The following SMPD3 variants were observed in gnomAD, a reference collection of about 807,000 sequenced individuals.
The protein encoded by SMPD3 is nSMase-2.
In SMPD3, 21 loss-of-function variants were observed where a neutral mutation model predicts 55.7. The observed-to-expected ratio is 0.38, with a 90% CI of 0.27 to 0.54. The LOEUF (loss-of-function observed/expected upper bound fraction) is 0.54, where lower values mean the gene tolerates loss of function less well. SMPD3 is among the 20% of genes least tolerant of loss of function. The probability of loss-of-function intolerance (pLI) is 0.80; values close to 1 mark genes in which losing one functional copy is unlikely to be tolerated. For synonymous variants in SMPD3, 457 were observed against 404.3 expected (o/e 1.13, Z -1.56); for missense variants, 842 against 899.6 (o/e 0.94, Z 0.82).
At chr16:68,383,992 C>G (rs1368574152) in intron 2 of SMPD3, among the ~76,000 whole-genome samples, 1 of 152,204 alleles carries the variant, frequency 6.6e-6, no homozygotes, top group Non-Finnish European at 1.5e-5. Flanking sequence ...CTCTGGCCCA[C>G]CTGGCAGCTG....
intron 1 of SMPD3, among the ~76,000 whole-genome samples, chr16:68,420,037 G>A (rs2090377826): frequency 6.7e-6 from 1 of 148,748 alleles, no homozygotes; most frequent in South Asian, 2.1e-4. Flanking sequence ...GGCCTGGAGT[G>A]CAGTGGTGTG....
intron 5 of SMPD3, 59 bp from the exon 6 acceptor site, chr16:68,363,925 T>C: frequency 1.4e-6 from 2 of 1,442,042 alleles, no homozygotes; most frequent in Admixed American, 2.0e-5. Flanking sequence ...CCACACGGCC[T>C]GTGCCCCTGC....
chr16:68,435,240 G>C (rs2090513322), intron 1 of SMPD3, among the ~76,000 whole-genome samples: 1 of 152,182 alleles, frequency 6.6e-6, no homozygotes. Context: ...GACCTGAGCT[G>C]GCCTTTGCCT....
At chr16:68,395,144 A>T (rs9940558) in intron 1 of SMPD3, among the ~76,000 whole-genome samples, 64,183 of 151,830 alleles carry the variant, frequency 0.42, 14,754 homozygotes, top group East Asian at 0.79. Flanking sequence ...CTGGGGGCAC[A>T]TAAACAGTGT....
chr16:68,426,745 A>G (rs1355217649), intron 1 of SMPD3, among the ~76,000 whole-genome samples: 1 of 152,200 alleles, frequency 6.6e-6, no homozygotes, highest in Non-Finnish European at 1.5e-5. Flanking sequence ...GTGTGTACAC[A>G]TGTAAATATT....
intron 2 of SMPD3, among the ~76,000 whole-genome samples, chr16:68,380,958 A>G (rs1455599937): frequency 3.9e-5 from 6 of 152,256 alleles, no homozygotes; most frequent in Non-Finnish European, 5.9e-5. Context: ...AACCTTCCTA[A>G]AACAGAACAG....
intron 1 of SMPD3, among the ~76,000 whole-genome samples, chr16:68,421,788 C>G (rs994276204): frequency 1.3e-5 from 2 of 152,164 alleles, no homozygotes; most frequent in Non-Finnish European, 1.5e-5. Flanking sequence ...TTGATGAAAC[C>G]AAGGCTTAGG....
chr16:68,394,644 T>C (rs1466426722), intron 1 of SMPD3, among the ~76,000 whole-genome samples: 1 of 152,266 alleles, frequency 6.6e-6, no homozygotes, highest in Non-Finnish European at 1.5e-5. Flanking sequence ...TGCAGCAGGA[T>C]TCAGAATTCT....
At chr16:68,422,157 T>G (rs1262346387) in intron 1 of SMPD3, among the ~76,000 whole-genome samples, 1 of 152,252 alleles carries the variant, frequency 6.6e-6, no homozygotes. Context: ...AACACCAGCC[T>G]GCTGATGCTT....
intron 2 of SMPD3, among the ~76,000 whole-genome samples, chr16:68,380,841 C>G (rs1334886878): frequency 6.6e-6 from 1 of 152,166 alleles, no homozygotes; most frequent in Non-Finnish European, 1.5e-5. Flanking sequence ...TTAGGCAGAC[C>G]CTGTGTCGGC....
At chr16:68,402,373 G>A (rs930796835) in intron 1 of SMPD3, among the ~76,000 whole-genome samples, 4 of 152,170 alleles carry the variant, frequency 2.6e-5, no homozygotes, top group Admixed American at 6.5e-5. Flanking sequence ...GTCATAATCT[G>A]AGGACAAGCA....
chr16:68,413,216 C>G (rs983256243), intron 1 of SMPD3, among the ~76,000 whole-genome samples: 1 of 152,238 alleles, frequency 6.6e-6, no homozygotes, highest in Non-Finnish European at 1.5e-5. Context: ...CATCAGCTCA[C>G]TGTGGGGACC....
At chr16:68,385,308 T>C (rs2090034377) in intron 2 of SMPD3, among the ~76,000 whole-genome samples, 1 of 152,178 alleles carries the variant, frequency 6.6e-6, no homozygotes, top group Admixed American at 6.5e-5. Context: ...TCCAGAAATA[T>C]GTAAATGAGC....
At chr16:68,366,288 T>C (rs1180369195) in intron 3 of SMPD3, among the ~76,000 whole-genome samples, 1 of 152,180 alleles carries the variant, frequency 6.6e-6, no homozygotes, top group Non-Finnish European at 1.5e-5. Flanking sequence ...TCGGTCAGGC[T>C]GGTATTATCT....
chr16:68,412,691 G>A (rs1177728157), intron 1 of SMPD3, among the ~76,000 whole-genome samples: 1 of 152,214 alleles, frequency 6.6e-6, no homozygotes, highest in Non-Finnish European at 1.5e-5. Flanking sequence ...TCATCACAGT[G>A]AGGAATCAGC....
chr16:68,448,321 A>C (rs1428519262), intron 1 of SMPD3, 32 bp downstream of exon 1: 1 of 152,250 alleles, frequency 6.6e-6, no homozygotes, highest in Non-Finnish European at 1.5e-5. Context: ...CCCGCTCCCC[A>C]AGAAAACAAA....
chr16:68,390,855 C>T (rs572795861), intron 1 of SMPD3, among the ~76,000 whole-genome samples: 19 of 152,198 alleles, frequency 1.2e-4, no homozygotes, highest in African/African-American at 4.3e-4. Context: ...GGGTGAGACC[C>T]TGGGGGAGAG....
intron 2 of SMPD3, among the ~76,000 whole-genome samples, chr16:68,382,495 A>G (rs1026496421): frequency 6.6e-6 from 1 of 152,198 alleles, no homozygotes; most frequent in African/African-American, 2.4e-5. Flanking sequence ...CTGGCAGCAG[A>G]GACTTTGCCT....
Position 68,447,641 on chromosome 16 carries a change from G to C in SMPD3, c.-269+712C>G, listed in dbSNP as rs765520970. Among the ~76,000 whole-genome samples, 1 of 152,202 alleles carries C rather than the reference G, an allele frequency of 6.6e-6. No homozygotes were observed. Among genetic ancestry groups the C allele is most frequent in the African/African-American group, 2.4e-5 (1 of 41,460 alleles). ...AGTGCTTTCCTCCACCCGCGACTCC[G>C]AGAAGGATGGGGAGGGGTCTCCCAG... On this transcript the variant is annotated intron_variant, in intron 1 of 8. Transcript: ENST00000219334. The surrounding 1 kb of genome is among the most constrained non-coding windows in gnomAD (Gnocchi z 5.1).
Sources: gnomAD v4.1 joint callset for allele counts (sites outside exome capture counted in the v4.1 genomes callset) on GRCh38, gnomAD v4.1.1 for gene constraint, Gnocchi (gnomAD v3.1) non-coding constraint, MANE v1.5 for transcripts, NCBI Gene and HGNC (gene_info 2026-07-23, HGNC 2026-07-21) for gene names.